The following PDE12 variants were observed in gnomAD, a reference collection of about 807,000 sequenced individuals.
PDE12 encodes the protein phosphodiesterase 12.
A neutral mutation model predicts 45.4 loss-of-function variants in PDE12; 26 were observed. The observed-to-expected ratio is 0.57, with a 90% CI of 0.42 to 0.79. The LOEUF (loss-of-function observed/expected upper bound fraction) is 0.79. Among genes scored for constraint, PDE12 ranks in the 30% least tolerant of loss-of-function variants. The probability of loss-of-function intolerance (pLI) is 0.00; values close to 1 mark genes in which losing one functional copy is unlikely to be tolerated. For synonymous variants in PDE12, 283 were observed against 323.9 expected, an observed-to-expected ratio of 0.87 and a Z score of 1.36; for missense variants, 668 against 790.0, an observed-to-expected ratio of 0.85 and a Z score of 1.85.
the PDE12 span, chr3:57,577,226 T>A: frequency 9.4e-7 from 1 of 1,062,496 alleles, no homozygotes; most frequent in Non-Finnish European, 1.4e-6. Flanking sequence ...ATTTGTGTAA[T>A]CTAATCATAG....
the PDE12 span, among the ~76,000 whole-genome samples, chr3:57,587,387 A>C: frequency 6.6e-6 from 1 of 151,828 alleles, no homozygotes; most frequent in Admixed American, 6.6e-5. Context: ...AAGAAATCCA[A>C]GACAAATCAT....
At chr3:57,602,510 A>G in the PDE12 span, among the ~76,000 whole-genome samples, 14 of 151,850 alleles carry the variant, frequency 9.2e-5, no homozygotes, top group African/African-American at 2.4e-5. Context: ...CCTCTCAACA[A>G]CTCAAGCTCT....
the PDE12 span, among the ~76,000 whole-genome samples, chr3:57,618,607 G>GTTTTTTTTTTTTTTTTTTTTTTTTTTTTT: frequency 2.5e-5 from 2 of 79,390 alleles, 1 homozygote. Context: ...TTGCTTTTGT[G>GTTTTTTTTTTTTTTTTTTTTTTTTTTTTT]TTTTTTTTTT....
the PDE12 span, among the ~76,000 whole-genome samples, chr3:57,581,844 G>C: frequency 1.3e-5 from 2 of 152,158 alleles, no homozygotes; most frequent in Non-Finnish European, 2.9e-5. Context: ...AGATGAGTAT[G>C]AAACAACACA....
At chr3:57,573,064 TGGTGGTGG>T in the PDE12 span, among the ~76,000 whole-genome samples, 1 of 151,368 alleles carries the variant, frequency 6.6e-6, no homozygotes, top group Non-Finnish European at 1.5e-5. Context: ...TAGCCGGGCG[TGGTGGTGG>T]GCGCCTGTAG....
chr3:57,655,625 TA>T, the PDE12 span, among the ~76,000 whole-genome samples: 2 of 152,166 alleles, frequency 1.3e-5, no homozygotes, highest in African/African-American at 2.4e-5. Context: ...TCATTAAAAA[TA>T]TTTTTTTAAA....
the PDE12 span, among the ~76,000 whole-genome samples, chr3:57,613,512 T>C: frequency 4.1e-3 from 625 of 151,442 alleles, 6 homozygotes; most frequent in African/African-American, 0.015. Context: ...CAGGCTGGTC[T>C]GGAACTCCTG....
chr3:57,575,753 C>T, the PDE12 span: 1 of 1,411,754 alleles, frequency 7.1e-7, no homozygotes, highest in Non-Finnish European at 9.5e-7. Context: ...ATACTTTACT[C>T]AGCATTAAAT....
the PDE12 span, among the ~76,000 whole-genome samples, chr3:57,590,132 T>TAAATAAATAAATAAATAAAA: frequency 7.3e-6 from 1 of 136,226 alleles, no homozygotes; most frequent in Non-Finnish European, 1.6e-5. Flanking sequence ...AATAAATAAA[T>TAAATAAATAAATAAATAAAA]AAAACAAAAA....
At position 57,557,258 on chromosome 3, in the gene PDE12, T is replaced by C. The variant is rs2069674200; in HGVS notation, c.879T>C (p.Ala293=). 1 of 1,613,882 alleles carries C rather than the reference T, an allele frequency of 6.2e-7. No homozygotes were observed. The highest frequency in any genetic ancestry group is 8.5e-7 in the Non-Finnish European group (1 of 1,179,978). The part of the protein sequence containing the change: ...HLYTKKVTED[A]LIRTVSYNIL... ...ACACGAAGAAGGTGACTGAGGACGC[T>C]CTCATCCGCACTGTCTCTTACAACA... The change falls in exon 1 of 3, where the codon GCT becomes GCC. Residue 293 remains alanine (A), a synonymous_variant. Coordinates refer to ENST00000311180, the MANE Select transcript of PDE12 (RefSeq NM_177966.7).
At chr3:57,615,620 A>G in the PDE12 span, among the ~76,000 whole-genome samples, 58,769 of 151,836 alleles carry the variant, frequency 0.39, 12,712 homozygotes, top group South Asian at 0.56. Context: ...CCTGGCCAAC[A>G]TGGTGAAACC....
the PDE12 span, among the ~76,000 whole-genome samples, chr3:57,605,005 C>T: frequency 2.2e-4 from 33 of 152,238 alleles, no homozygotes; most frequent in African/African-American, 7.9e-4. Flanking sequence ...TTTACCCACT[C>T]ACCTAAAATA....
At chr3:57,643,190 A>T in the PDE12 span, among the ~76,000 whole-genome samples, 1 of 152,182 alleles carries the variant, frequency 6.6e-6, no homozygotes, top group Non-Finnish European at 1.5e-5. Flanking sequence ...TCAAACTGAC[A>T]GAATTTGGTA....
At chr3:57,629,769 A>C in the PDE12 span, among the ~76,000 whole-genome samples, 2 of 148,946 alleles carry the variant, frequency 1.3e-5, no homozygotes, top group Non-Finnish European at 3.0e-5. Context: ...TGATCCACCC[A>C]CCTCAGCCTC....
the PDE12 span, among the ~76,000 whole-genome samples, chr3:57,613,900 CAAAAAAAAAA>C: frequency 1.2e-4 from 7 of 59,454 alleles, no homozygotes; most frequent in African/African-American, 5.3e-4. Flanking sequence ...GACTCCATCT[CAAAAAAAAAA>C]AAAAAAAAAA....
At chr3:57,572,120 A>T in the PDE12 span, 2 of 959,312 alleles carry the variant, frequency 2.1e-6, no homozygotes, top group Non-Finnish European at 3.4e-6. Context: ...AGTCCCAGAT[A>T]CTGTTTAATA....
the PDE12 span, among the ~76,000 whole-genome samples, chr3:57,584,664 A>C: frequency 6.6e-6 from 1 of 152,174 alleles, no homozygotes; most frequent in African/African-American, 2.4e-5. Flanking sequence ...TTTCTAGACC[A>C]AGAGAGACAG....
chr3:57,603,394 G>T, the PDE12 span, among the ~76,000 whole-genome samples: 1 of 151,134 alleles, frequency 6.6e-6, no homozygotes, highest in African/African-American at 2.4e-5. Context: ...CTGGAGTGCA[G>T]TGGCATGACT....
the PDE12 span, among the ~76,000 whole-genome samples, chr3:57,574,910 G>A: frequency 2.0e-5 from 3 of 150,302 alleles, no homozygotes; most frequent in African/African-American, 4.9e-5. Flanking sequence ...GTGCAGTGGC[G>A]CGATCGCGAC....
Sources: gnomAD v4.1 joint callset for allele counts (sites outside exome capture counted in the v4.1 genomes callset) on GRCh38, gnomAD v4.1.1 for gene constraint, MANE v1.5 for transcripts, NCBI Gene and HGNC (gene_info 2026-07-23, HGNC 2026-07-21) for gene names.